TRPM3: variants seen among roughly 807,000 people sequenced by gnomAD.
TRPM3 encodes the protein long transient receptor potential channel 3.
A neutral mutation model predicts 181.2 loss-of-function variants in TRPM3; 77 were observed. The ratio of observed to expected loss-of-function variants is 0.42; its 90% CI spans 0.35 to 0.51. The LOEUF (loss-of-function observed/expected upper bound fraction) is 0.51, where lower values mean the gene tolerates loss of function less well. Ranked by LOEUF, TRPM3 falls within the 20% of genes least tolerant of loss-of-function variation. TRPM3 has a pLI of 0.01. For missense variants in TRPM3, 1,759 were observed against 2,196.7 expected (o/e 0.80, Z 3.98); for synonymous variants, 745 against 796.4 (o/e 0.94, Z 1.09).
intron 9 of TRPM3, among the ~76,000 whole-genome samples, chr9:70,657,256 ATTTTC>A (rs2060491715): frequency 1.4e-5 from 2 of 147,322 alleles, no homozygotes; most frequent in African/African-American, 5.0e-5. Flanking sequence ...GAACAATGAA[ATTTTC>A]TTAAGGAATG....
At chr9:71,095,221 TCTC>T (rs1386427468) in intron 1 of TRPM3, among the ~76,000 whole-genome samples, 1 of 152,088 alleles carries the variant, frequency 6.6e-6, no homozygotes, top group African/African-American at 2.4e-5. Context: ...GAACAAAAAC[TCTC>T]CTGTTTTTAC....
At chr9:71,299,173 C>T (rs1043549884) in intron 1 of TRPM3, among the ~76,000 whole-genome samples, 7 of 152,102 alleles carry the variant, frequency 4.6e-5, no homozygotes, top group Admixed American at 4.6e-4. Flanking sequence ...ATTCTCTTTG[C>T]AACTGACTAG....
At chr9:71,223,234 A>G (rs567693551) in intron 1 of TRPM3, among the ~76,000 whole-genome samples, 1 of 152,292 alleles carries the variant, frequency 6.6e-6, no homozygotes, top group African/African-American at 2.4e-5. Flanking sequence ...ACAGAAGGAC[A>G]GGGCACCAGT....
intron 1 of TRPM3, among the ~76,000 whole-genome samples, chr9:71,208,775 T>C (rs1211405449): frequency 3.3e-5 from 5 of 152,208 alleles, no homozygotes. Context: ...CTAAACTATA[T>C]ACTATAATTC....
intron 1 of TRPM3, among the ~76,000 whole-genome samples, chr9:71,066,734 A>G (rs1374294419): frequency 6.6e-6 from 1 of 152,188 alleles, no homozygotes; most frequent in Non-Finnish European, 1.5e-5. Context: ...TTTTTATGAG[A>G]TGTAGAATCA....
chr9:70,887,772 G>T (rs75257574), intron 1 of TRPM3, among the ~76,000 whole-genome samples: 1 of 152,076 alleles, frequency 6.6e-6, no homozygotes, highest in East Asian at 1.9e-4. Context: ...AGAATGGTTT[G>T]CCCCTTTACC....
At chr9:71,237,090 A>AAGGGGAC (rs149273913) in intron 1 of TRPM3, among the ~76,000 whole-genome samples, 1 of 141,658 alleles carries the variant, frequency 7.1e-6, no homozygotes, top group African/African-American at 2.7e-5. Flanking sequence ...AGGAAAGGGA[A>AAGGGGAC]GGGGGATGGG....
intron 25 of TRPM3, among the ~76,000 whole-genome samples, chr9:70,544,094 C>T (rs2044245972): frequency 6.6e-6 from 1 of 152,110 alleles, no homozygotes; most frequent in African/African-American, 2.4e-5. Context: ...GTTAAAGGAA[C>T]CCGAAAAGAA....
intron 1 of TRPM3, among the ~76,000 whole-genome samples, chr9:70,880,002 C>T (rs1229978428): frequency 1.3e-5 from 2 of 152,064 alleles, no homozygotes; most frequent in African/African-American, 4.8e-5. Flanking sequence ...AGATTACATG[C>T]TGGAAAACAC....
intron 8 of TRPM3, among the ~76,000 whole-genome samples, chr9:70,699,428 G>A (rs553415289): frequency 6.6e-6 from 1 of 152,154 alleles, no homozygotes; most frequent in African/African-American, 2.4e-5. Context: ...AAATCAGAGT[G>A]TGCAAATAGT....
chr9:71,117,432 C>T (rs1262350537), intron 1 of TRPM3, among the ~76,000 whole-genome samples: 1 of 152,150 alleles, frequency 6.6e-6, no homozygotes, highest in Non-Finnish European at 1.5e-5. Context: ...GATTTAAACA[C>T]TGTTGTTTAC....
At chr9:71,315,669 G>C (rs1422362268) in intron 1 of TRPM3, among the ~76,000 whole-genome samples, 1 of 151,952 alleles carries the variant, frequency 6.6e-6, no homozygotes, top group African/African-American at 2.4e-5. Context: ...AGTTTAAAAG[G>C]ATTCTGAAGA....
chr9:70,757,471 A>G (rs920150325), intron 8 of TRPM3, among the ~76,000 whole-genome samples: 2 of 152,160 alleles, frequency 1.3e-5, no homozygotes, highest in Non-Finnish European at 2.9e-5. Flanking sequence ...GGACTCCTCT[A>G]TAACTCGTTT....
chr9:71,088,958 T>C (rs2065728810), intron 1 of TRPM3, among the ~76,000 whole-genome samples: 1 of 151,738 alleles, frequency 6.6e-6, no homozygotes, highest in Admixed American at 6.6e-5. Flanking sequence ...TAGCTTCTGA[T>C]AGAAGCTCTC....
intron 8 of TRPM3, among the ~76,000 whole-genome samples, chr9:70,701,456 A>T: frequency 6.6e-6 from 1 of 152,216 alleles, no homozygotes; most frequent in Non-Finnish European, 1.5e-5. Context: ...AAAACCAAGC[A>T]CAGAAGCGGT....
intron 1 of TRPM3, among the ~76,000 whole-genome samples, chr9:70,909,053 C>A (rs2096505974): frequency 6.6e-6 from 1 of 152,148 alleles, no homozygotes; most frequent in South Asian, 2.1e-4. Context: ...GCAAAGATTT[C>A]TTAGACAAAA....
chr9:71,399,126 T>TTAA (rs201109978), intron 1 of TRPM3, among the ~76,000 whole-genome samples: 25,669 of 151,752 alleles, frequency 0.17, 2,769 homozygotes, highest in Non-Finnish European at 0.25. Flanking sequence ...CATAACAGCA[T>TTAA]TTATATAAAA....
intron 1 of TRPM3, among the ~76,000 whole-genome samples, chr9:71,008,855 A>G (rs1259043364): frequency 1.3e-5 from 2 of 152,268 alleles, no homozygotes. Flanking sequence ...AAAAAACAAC[A>G]ACAACAACAA....
intron 1 of TRPM3, among the ~76,000 whole-genome samples, chr9:70,942,648 A>G (rs568442740): frequency 6.6e-6 from 1 of 152,280 alleles, no homozygotes; most frequent in East Asian, 1.9e-4. Flanking sequence ...CTCCACTAGC[A>G]TGGCTCTTCA....
Sources: allele counts gnomAD v4.1 joint callset (sites outside exome capture counted in the v4.1 genomes callset), GRCh38; gene constraint gnomAD v4.1.1; transcripts MANE v1.5; gene names NCBI Gene and HGNC (gene_info 2026-07-23, HGNC 2026-07-21).